Variants in NPSR1 observed in about 807,000 individuals in gnomAD.
NPSR1 encodes the protein neuropeptide S receptor.
NPSR1 carries 48 observed loss-of-function variants against 46.9 expected under a neutral mutation model. The observed-to-expected ratio is 1.02, with a 90% CI of 0.81 to 1.30. The LOEUF (loss-of-function observed/expected upper bound fraction) is 1.30, where lower values mean the gene tolerates loss of function less well. NPSR1 is among the 50% of genes most tolerant of loss of function. The pLI is 0.00. For synonymous variants in NPSR1, 176 were observed against 168.1 expected (o/e 1.05, Z -0.36); for missense variants, 450 against 449.5 (o/e 1.00, Z -0.01).
At chr7:34,758,945 A>G (rs1786021653) in intron 2 of NPSR1, among the ~76,000 whole-genome samples, 1 of 152,204 alleles carries the variant, frequency 6.6e-6, no homozygotes, top group Non-Finnish European at 1.5e-5. Context: ...ATTTTTAAAT[A>G]GCATAGGTTA....
chr7:34,673,257 C>A (rs1430094881), intron 1 of NPSR1, among the ~76,000 whole-genome samples: 1 of 152,118 alleles, frequency 6.6e-6, no homozygotes, highest in Non-Finnish European at 1.5e-5. Context: ...AGACTATAAG[C>A]TCCTTGTCTT....
At chr7:34,780,785 C>T (rs1787195316) in intron 3 of NPSR1, among the ~76,000 whole-genome samples, 1 of 152,164 alleles carries the variant, frequency 6.6e-6, no homozygotes, top group Non-Finnish European at 1.5e-5. Context: ...CATTATTTGA[C>T]ATGTCTGGCA....
At chr7:34,877,041 C>T (rs913373296) in intron 8 of NPSR1, among the ~76,000 whole-genome samples, 1 of 152,128 alleles carries the variant, frequency 6.6e-6, no homozygotes, top group African/African-American at 2.4e-5. Flanking sequence ...AGTAGAGACC[C>T]GTAACCACTG....
intron 5 of NPSR1, chr7:34,834,069 A>G: frequency 2.8e-6 from 1 of 357,296 alleles, no homozygotes; most frequent in Non-Finnish European, 5.0e-6. Flanking sequence ...AGGAGACCCA[A>G]GTTTTTCTGA....
chr7:34,790,142 TTTCAATAGCACACTTGAAATATTA>T (rs1787661465), intron 3 of NPSR1, among the ~76,000 whole-genome samples: 1 of 152,076 alleles, frequency 6.6e-6, no homozygotes, highest in Non-Finnish European at 1.5e-5. Context: ...AGCAAACATA[TTTCAATAGCACACTTGAAATATTA>T]TTCACCATGA....
At chr7:34,837,208 C>T (rs1177506801) in intron 6 of NPSR1, among the ~76,000 whole-genome samples, 2 of 152,184 alleles carry the variant, frequency 1.3e-5, no homozygotes, top group African/African-American at 4.8e-5. Flanking sequence ...ACAATTGAAA[C>T]AATTGCCCTG....
rs1333911341 is a variant in NPSR1, at chr7:34,807,664, A to T, written c.385-4106A>T. Among the ~76,000 whole-genome samples the T allele has an allele frequency of 3.3e-5, 5 of 152,204 alleles. 1 individual carries two copies. The highest frequency in any genetic ancestry group is 3.3e-4 in the Admixed American group (5 of 15,276). On this transcript the variant is annotated intron_variant, in intron 3 of 8. Coordinates refer to ENST00000360581, the MANE Select transcript of NPSR1 (RefSeq NM_207172.2). The stretch of plus-strand genomic sequence containing the variant: ...AAAATTTTTCTCTTTTAAACAGCAT[A>T]GAATTAGATTTTAGGGAAGTTTTAA...
intron 6 of NPSR1, among the ~76,000 whole-genome samples, chr7:34,839,811 G>C (rs545207573): frequency 6.6e-6 from 1 of 152,252 alleles, no homozygotes; most frequent in African/African-American, 2.4e-5. Context: ...GGGGAAGAGA[G>C]AGAGTGGAGG....
chr7:34,736,014 G>A (rs1214627209), intron 2 of NPSR1, among the ~76,000 whole-genome samples: 3 of 152,104 alleles, frequency 2.0e-5, no homozygotes, highest in Admixed American at 2.0e-4. Flanking sequence ...GGATGAGAAG[G>A]ATCATTTAAT....
At chr7:34,864,833 G>C (rs1479896914) in intron 8 of NPSR1, among the ~76,000 whole-genome samples, 1 of 151,874 alleles carries the variant, frequency 6.6e-6, no homozygotes, top group Non-Finnish European at 1.5e-5. Flanking sequence ...ATGAACTCTG[G>C]AACTGGTCTT....
At chr7:34,835,101 C>G (rs899779326) in intron 6 of NPSR1, among the ~76,000 whole-genome samples, 1 of 152,204 alleles carries the variant, frequency 6.6e-6, no homozygotes, top group Admixed American at 6.5e-5. Context: ...CTGGACCTGA[C>G]CAAGGTCAAC....
At chr7:34,735,515 C>T (rs1446447245) in intron 2 of NPSR1, among the ~76,000 whole-genome samples, 3 of 152,160 alleles carry the variant, frequency 2.0e-5, no homozygotes, top group African/African-American at 7.2e-5. Flanking sequence ...TACCTTATGC[C>T]TTCCCTCCAA....
chr7:34,672,562 G>A (rs968103583), intron 1 of NPSR1, among the ~76,000 whole-genome samples: 2 of 152,158 alleles, frequency 1.3e-5, no homozygotes, highest in African/African-American at 4.8e-5. Context: ...TACGGCCCAT[G>A]GTACTGATGA....
intron 3 of NPSR1, among the ~76,000 whole-genome samples, chr7:34,803,718 A>G (rs985057700): frequency 6.6e-6 from 1 of 150,824 alleles, no homozygotes; most frequent in Admixed American, 6.6e-5. Context: ...AAAGTATAAT[A>G]GTAATAAAAT....
intron 3 of NPSR1, among the ~76,000 whole-genome samples, chr7:34,798,300 C>T (rs13438631): frequency 1.1e-3 from 166 of 152,120 alleles, no homozygotes; most frequent in African/African-American, 3.9e-3. Flanking sequence ...TTTGGGAGGC[C>T]GAGGCAGGTG....
intron 8 of NPSR1, among the ~76,000 whole-genome samples, chr7:34,866,396 A>G (rs1255410872): frequency 1.8e-4 from 28 of 151,804 alleles, no homozygotes; most frequent in African/African-American, 5.6e-4. Context: ...CAGACATGCA[A>G]ATGATGAGAG....
intron 5 of NPSR1, among the ~76,000 whole-genome samples, chr7:34,829,343 T>G (rs1409862724): frequency 6.6e-6 from 1 of 152,198 alleles, no homozygotes; most frequent in African/African-American, 2.4e-5. Context: ...TTATTTTGAC[T>G]TATTGCCCTC....
intron 3 of NPSR1, among the ~76,000 whole-genome samples, chr7:34,789,934 T>C (rs1562728485): frequency 2.0e-5 from 3 of 151,938 alleles, no homozygotes; most frequent in South Asian, 2.1e-4. Context: ...ACTGCAAAAT[T>C]CTACCAAACA....
chr7:34,709,274 C>T (rs907204907), intron 2 of NPSR1, among the ~76,000 whole-genome samples: 22 of 152,296 alleles, frequency 1.4e-4, no homozygotes, highest in African/African-American at 5.3e-4. Context: ...TGCCCTTGCT[C>T]AGCAATTACT....
Sources: gnomAD v4.1 joint callset for allele counts (sites outside exome capture counted in the v4.1 genomes callset) on GRCh38, gnomAD v4.1.1 for gene constraint, MANE v1.5 for transcripts, NCBI Gene and HGNC (gene_info 2026-07-23, HGNC 2026-07-21) for gene names.